The following RHNO1 variants were observed in gnomAD, a reference collection of about 807,000 sequenced individuals.
RHNO1 encodes RAD9, HUS1, RAD1-interacting nuclear orphan protein 1.
In RHNO1, 9 loss-of-function variants were observed where a neutral mutation model predicts 7.2. The ratio of observed to expected loss-of-function variants is 1.25; its 90% confidence interval spans 0.75 to 2.18. RHNO1 has a LOEUF of 2.18. Among genes scored for constraint, RHNO1 ranks in the 30% most tolerant of loss-of-function variants. RHNO1 has a pLI of 0.00. For synonymous variants in RHNO1, 95 were observed against 107.5 expected, an observed-to-expected ratio of 0.88 and a Z score of 0.72; for missense variants, 292 against 284.5, an observed-to-expected ratio of 1.03 and a Z score of -0.19.
At position 2,885,410 on chromosome 12, in the gene RHNO1, C is replaced by T. The variant is rs755178003; in HGVS notation, c.44C>T (p.Pro15Leu). 63 of 1,613,774 alleles carry T rather than the reference C, an allele frequency of 3.9e-5. No individual in the cohort carries two copies. The highest frequency in any genetic ancestry group is 5.3e-5 in the African/African-American group (4 of 74,850). The change falls in exon 2 of 3, where the codon CCG (proline) becomes CTG (leucine). Residue 15 changes from proline to leucine, a missense_variant. By Grantham distance (98) the Pro-to-Leu change is moderately conservative. Coordinates refer to ENST00000489288, the MANE Select transcript of RHNO1 (RefSeq NM_001252499.3). Reference protein sequence around the residue: ...KKRRQPSQKAPLLFHQQPLEG... With the variant: ...KKRRQPSQKALLLFHQQPLEG... ...CGCCGCCAGCCTTCCCAGAAAGCCC[C>T]GCTGCTGTTCCACCAACAACCACTG...
upstream of RHNO1, chr12:2,876,872 G>A (rs2098145736): frequency 1.3e-5 from 2 of 152,746 alleles, no homozygotes; most frequent in Non-Finnish European, 2.9e-5. Context: ...CTTGCTCCCC[G>A]CCTGTGCCCA....
chr12:2,879,435 T>C (rs1035984180), intron 1 of RHNO1, among the ~76,000 whole-genome samples: 1 of 151,914 alleles, frequency 6.6e-6, no homozygotes, highest in Admixed American at 6.6e-5. Flanking sequence ...TGGGCTCAAG[T>C]GATCTGCCCA....
At chr12:2,878,955 A>G (rs1294841965) in intron 1 of RHNO1, among the ~76,000 whole-genome samples, 1 of 143,122 alleles carries the variant, frequency 7.0e-6, no homozygotes, top group Non-Finnish European at 1.5e-5. Flanking sequence ...ACTACAAAGC[A>G]ATGCTCAGAA....
At position 2,888,774 on chromosome 12, in the gene RHNO1, C is replaced by T. The variant is rs11062400; in HGVS notation, c.*315C>T. 0.086 allele frequency: 19,638 copies of T among 228,148 alleles called. 2,155 individuals are homozygous for T. The highest frequency in any genetic ancestry group is 0.29 in the African/African-American group (12,874 of 44,368). The allele number at this position is 228,148 out of a possible 1,614,324, so 14.1% of individuals were successfully genotyped here. ...CAAAATCCTGACCTCAAGTCATCTG[C>T]TGGCCTTGACCTCACAAAGTGCTGG... On this transcript the variant is annotated 3_prime_UTR_variant, in exon 3 of 3. Transcript: ENST00000489288.
At chr12:2,887,541 C>G (rs1042481181) in intron 2 of RHNO1, among the ~76,000 whole-genome samples, 2 of 151,228 alleles carry the variant, frequency 1.3e-5, no homozygotes, top group African/African-American at 4.9e-5. Flanking sequence ...CCCAGCTACT[C>G]GGGAAGCTGA....
chr12:2,885,769 G>C, intron 2 of RHNO1: 1 of 357,464 alleles, frequency 2.8e-6, no homozygotes, highest in East Asian at 5.5e-5. Context: ...TAGAGATGGG[G>C]TTTCACCGTG....
Position 2,885,331 on chromosome 12 carries a change from T to C in RHNO1, c.-36T>C, listed in dbSNP as rs2098163922. 1.3e-6 allele frequency: 2 copies of C among 1,594,592 alleles called. No homozygotes were observed. Among genetic ancestry groups the C allele is most frequent in the Non-Finnish European group, 1.7e-6 (2 of 1,169,570 alleles). Reference sequence around the variant, plus strand: ...TCCCCCAACCCGAAGGCTAACAGCATCATGTGGTTACTAACTGTTCCTCAT... The same window carrying C: ...TCCCCCAACCCGAAGGCTAACAGCACCATGTGGTTACTAACTGTTCCTCAT... On this transcript the variant is annotated 5_prime_UTR_variant, in exon 2 of 3. Transcript: ENST00000489288.
In RHNO1 at chr12:2,885,416, T is replaced by C; in HGVS notation, c.50T>C (p.Leu17Pro). ...CAGCCTTCCCAGAAAGCCCCGCTGC[T>C]GTTCCACCAACAACCACTGGAGGGC... is the stretch of plus-strand genomic sequence containing the variant. ...RRQPSQKAPL[L>P]FHQQPLEGPK... Residue 17 changes from leucine (L) to proline (P), a missense_variant, in exon 2 of 3, where the codon CTG (leucine) becomes CCG (proline). Physicochemically the swap from Leu to Pro is moderately conservative, Grantham distance 98. Transcript: ENST00000489288. The C allele has an allele frequency of 6.2e-7, 1 of 1,614,046 alleles. No individual in the cohort carries two copies. Among genetic ancestry groups the C allele is most frequent in the Non-Finnish European group, 8.5e-7 (1 of 1,180,028 alleles).
Position 2,882,757 on chromosome 12 carries a change from T to TTA in RHNO1, c.-84-2526_-84-2525insTA, listed in dbSNP as rs144349081. The stretch of plus-strand genomic sequence containing the variant: ...CAGGTCAAGGGGTTGAGTTGACTGT[T>TTA]ATTTTAGACATAGTTATTAGGGAAG... On this transcript the variant is annotated intron_variant, in intron 1 of 2. Coordinates refer to ENST00000489288, the MANE Select transcript of RHNO1 (RefSeq NM_001252499.3). Among the ~76,000 whole-genome samples, 1,515 of 152,230 alleles carry TTA rather than the reference T, an allele frequency of 1.0e-2. 26 individuals carry two copies. The highest frequency in any genetic ancestry group is 0.034 in the African/African-American group (1,398 of 41,532).
chr12:2,885,560 CATTTTTTT>C (rs60392976), intron 2 of RHNO1, 26 bp downstream of exon 2: 60,754 of 728,706 alleles, frequency 0.083, 4,749 homozygotes, highest in African/African-American at 0.16. Flanking sequence ...TACTATTTGA[CATTTTTTT>C]TTTTTTTTTT....
At chr12:2,882,176 T>C (rs1390708060) in intron 1 of RHNO1, among the ~76,000 whole-genome samples, 1 of 151,768 alleles carries the variant, frequency 6.6e-6, no homozygotes, top group Non-Finnish European at 1.5e-5. Flanking sequence ...GCGTGGTGGC[T>C]CATGCCTGTA....
intron 1 of RHNO1, among the ~76,000 whole-genome samples, chr12:2,884,745 C>G (rs1046058456): frequency 6.6e-6 from 1 of 151,920 alleles, no homozygotes; most frequent in Admixed American, 6.6e-5. Flanking sequence ...ATACTGTGTC[C>G]AGATACATTG....
At chr12:2,886,158 TG>T (rs2098165420) in intron 2 of RHNO1, 1 of 152,192 alleles carries the variant, frequency 6.6e-6, no homozygotes, top group Non-Finnish European at 1.5e-5. Context: ...AAGAGTTCAT[TG>T]TAAAAGTTTT....
intron 1 of RHNO1, among the ~76,000 whole-genome samples, chr12:2,877,583 C>G (rs995751560): frequency 8.5e-5 from 13 of 152,196 alleles, no homozygotes; most frequent in Non-Finnish European, 1.3e-4. Context: ...TCTGCTCCCC[C>G]CGATTAGACT....
At chr12:2,882,024 C>G (rs768757506) in intron 1 of RHNO1, among the ~76,000 whole-genome samples, 8 of 151,686 alleles carry the variant, frequency 5.3e-5, no homozygotes, top group Non-Finnish European at 8.8e-5. Context: ...GAATGGATCA[C>G]AAATGCATAG....
chr12:2,878,698 G>C (rs188330683), intron 1 of RHNO1, among the ~76,000 whole-genome samples: 2 of 152,044 alleles, frequency 1.3e-5, no homozygotes, highest in African/African-American at 4.8e-5. Flanking sequence ...GAGAGAGAGA[G>C]AGGAAGAGAA....
chr12:2,878,958 G>A (rs2098153421), intron 1 of RHNO1, among the ~76,000 whole-genome samples: 1 of 139,858 alleles, frequency 7.2e-6, no homozygotes, highest in Admixed American at 7.3e-5. Flanking sequence ...ACAAAGCAAT[G>A]CTCAGAATGA....
chr12:2,886,985 G>A (rs776128321), intron 2 of RHNO1: 1 of 455,952 alleles, frequency 2.2e-6, no homozygotes, highest in South Asian at 1.5e-5. Flanking sequence ...CAGGCATTCT[G>A]CTAGGTGCTG....
rs557706734 is a variant in RHNO1 at position 2,878,979 on chromosome 12, T to A, written c.-85+1697T>A. ...CAATGCTCAGAATGAGTTTTTTTTT[T>A]AATTATATATTTATTTTTATTTATC... On this transcript the variant is annotated intron_variant, in intron 1 of 2. Coordinates refer to ENST00000489288, the MANE Select transcript of RHNO1 (RefSeq NM_001252499.3). Among the ~76,000 whole-genome samples the A allele has an allele frequency of 2.8e-3, 422 of 148,224 alleles. 10 individuals carry two copies. The highest frequency in any genetic ancestry group is 9.0e-3 in the African/African-American group (359 of 39,918).
Sources: allele counts gnomAD v4.1 joint callset (sites outside exome capture counted in the v4.1 genomes callset), GRCh38; gene constraint gnomAD v4.1.1; transcripts MANE v1.5; gene names NCBI Gene and HGNC (gene_info 2026-07-23, HGNC 2026-07-21).